The following AGBL1 variants were observed in gnomAD, a reference collection of about 807,000 sequenced individuals.
The protein encoded by AGBL1 is AGBL carboxypeptidase 1, also known as cytosolic carboxypeptidase 4.
Under a neutral mutation model 118.9 loss-of-function variants are expected in AGBL1, and 130 were observed. The observed-to-expected ratio is 1.09, with a 90% confidence interval of 0.95 to 1.26. The LOEUF is 1.26. AGBL1 is among the 50% of genes most tolerant of loss of function. The pLI is 0.00. For synonymous variants in AGBL1, 555 were observed against 478.9 expected, an observed-to-expected ratio of 1.16 and a Z score of -2.08; for missense variants, 1,584 against 1,298.1, an observed-to-expected ratio of 1.22 and a Z score of -3.38.
At chr15:86,280,921 T>C (rs903976) in intron 16 of AGBL1, among the ~76,000 whole-genome samples, 71,816 of 152,094 alleles carry the variant, frequency 0.47, 19,858 homozygotes, top group African/African-American at 0.78. Context: ...GTATCACACT[T>C]AGAGAGCTCA....
chr15:86,262,114 A>C (rs1356651357), intron 9 of AGBL1, among the ~76,000 whole-genome samples: 4 of 45,294 alleles, frequency 8.8e-5, no homozygotes, highest in Non-Finnish European at 1.5e-4. Flanking sequence ...GTCTCAGTTA[A>C]AACTTTACCT....
At chr15:86,942,692 A>C (rs1290271331) in intron 23 of AGBL1, among the ~76,000 whole-genome samples, 1 of 152,212 alleles carries the variant, frequency 6.6e-6, no homozygotes, top group African/African-American at 2.4e-5. Flanking sequence ...TTGTGATTCA[A>C]AGCCTTTTGT....
intron 21 of AGBL1, among the ~76,000 whole-genome samples, chr15:86,662,230 CTG>C (rs1190239136): frequency 1.3e-5 from 2 of 152,192 alleles, no homozygotes; most frequent in Non-Finnish European, 2.9e-5. Context: ...TGCTATGCCT[CTG>C]TGTGTAATAT....
rs2081761204 is a variant in AGBL1, at chr15:87,028,951, AAAATGTTGCTC to A, written c.*112_*122del. 3 of 1,262,220 alleles carry A rather than the reference AAAATGTTGCTC, an allele frequency of 2.4e-6. No homozygotes were observed. The African/African-American group carries it at 4.4e-5, about 19-fold the overall frequency. 78.2% of individuals were successfully genotyped at this position (1,262,220 alleles called of 1,614,324 possible). A position where few individuals can be genotyped will look rare whatever the true frequency, so the allele number is the denominator to read the frequency against. ...TCAAGATGTTGTACATGTCTTATGG[AAAATGTTGCTC>A]CATCATCCCTGCACTCCCTTATCTA... On this transcript the variant is annotated 3_prime_UTR_variant, in exon 25 of 25. Coordinates refer to the AGBL1 transcript ENST00000441037.
chr15:86,228,288 C>T (rs1208274288), intron 6 of AGBL1, among the ~76,000 whole-genome samples: 1 of 152,172 alleles, frequency 6.6e-6, no homozygotes, highest in Non-Finnish European at 1.5e-5. Context: ...CAAGACTTCA[C>T]CATCTGGCAC....
In AGBL1 at chr15:86,936,844, A is replaced by G. The variant is rs116821574; in HGVS notation, c.3222-51143A>G. Among the ~76,000 whole-genome samples, 657 of 152,362 alleles carry G rather than the reference A, an allele frequency of 4.3e-3. 5 individuals are homozygous for G. Among genetic ancestry groups the G allele is most frequent in the African/African-American group, 0.015 (636 of 41,588 alleles). On this transcript the variant is annotated intron_variant, in intron 23 of 24. Coordinates refer to the AGBL1 transcript ENST00000441037. ...TAAGAGCTTCTGCACAGAAAAAGAA[A>G]GTATTAACACGGTAAACAGACAACC...
chr15:86,267,760 C>G (rs2079097118), intron 13 of AGBL1, among the ~76,000 whole-genome samples: 1 of 152,198 alleles, frequency 6.6e-6, no homozygotes. Context: ...AAAATTCTTT[C>G]TATTATAGCA....
At chr15:86,500,344 C>A (rs2082903584) in intron 18 of AGBL1, among the ~76,000 whole-genome samples, 1 of 151,702 alleles carries the variant, frequency 6.6e-6, no homozygotes, top group Non-Finnish European at 1.5e-5. Context: ...TGCAGATTCA[C>A]ACAAGAAACT....
At chr15:86,106,802 T>C (rs372913109) in intron 1 of AGBL1, among the ~76,000 whole-genome samples, 10 of 152,366 alleles carry the variant, frequency 6.6e-5, no homozygotes, top group African/African-American at 2.4e-4. Flanking sequence ...ACAGAGATGC[T>C]GTACTTGCTA....
intron 5 of AGBL1, among the ~76,000 whole-genome samples, chr15:86,209,509 G>A (rs8037199): frequency 0.12 from 18,231 of 152,104 alleles, 1,303 homozygotes; most frequent in East Asian, 0.25. Context: ...CCTCTATTGG[G>A]TGCATATATA....
In AGBL1 at chr15:86,908,400, T is replaced by C. The variant is rs1232562525; in HGVS notation, c.*1106T>C. ...GGCGCACACCTGTAATCCCAGCTAC[T>C]TGGGAGGCTGAGAAAGGAGAATCGC... On this transcript the variant is annotated 3_prime_UTR_variant, in exon 23 of 23. Coordinates refer to ENST00000614907, the MANE Select transcript of AGBL1 (RefSeq NM_001386094.1). 6.6e-6 allele frequency: 1 copy of C among 152,212 alleles called. No homozygotes were observed. Among genetic ancestry groups the C allele is most frequent in the East Asian group, 1.9e-4 (1 of 5,166 alleles). 9.4% of individuals were successfully genotyped at this position (152,212 alleles called of 1,614,324 possible). A position where few individuals can be genotyped will look rare whatever the true frequency, so the allele number is the denominator to read the frequency against.
intron 22 of AGBL1, among the ~76,000 whole-genome samples, chr15:86,715,447 T>A (rs1249416831): frequency 2.0e-5 from 3 of 152,098 alleles, no homozygotes; most frequent in Non-Finnish European, 4.4e-5. Context: ...GAAATAAGAA[T>A]TCACAGATTT....
intron 21 of AGBL1, among the ~76,000 whole-genome samples, chr15:86,643,039 ATTCTGAC>A (rs1362454232): frequency 1.3e-5 from 2 of 152,134 alleles, no homozygotes; most frequent in East Asian, 3.9e-4. Context: ...TTACATCTCA[ATTCTGAC>A]TTCTGGGGTG....
At chr15:86,813,723 C>T (rs2078822964) in intron 22 of AGBL1, among the ~76,000 whole-genome samples, 1 of 152,122 alleles carries the variant, frequency 6.6e-6, no homozygotes, top group Admixed American at 6.6e-5. Context: ...GAATAACAAT[C>T]CAGAGAGAGG....
rs1190193287 is a variant in AGBL1, at chr15:86,264,575, G to A, written c.1404G>A (p.Trp468Ter). ...AGGCTTCCCCGAAAGCAGATGCCTG[G>A]GACGTAGATGCAATTTTCTGCCCAA... is the stretch of plus-strand genomic sequence containing the variant. ...DIQASPKADA[W>*]DVDAIFCPRM... is the part of the protein sequence containing the mutation. The change falls in exon 11 of 23, where the codon TGG (tryptophan) becomes TGA (stop). Residue 468 changes from tryptophan to a stop codon, truncating the protein, a stop_gained. Transcript: ENST00000614907. LOFTEE classifies it high-confidence loss of function. 1 of 1,613,934 alleles carries A rather than the reference G, an allele frequency of 6.2e-7. No homozygotes were observed. Among genetic ancestry groups the A allele is most frequent in the South Asian group, 1.1e-5 (1 of 91,064 alleles).
downstream of AGBL1, among the ~76,000 whole-genome samples, chr15:87,031,215 T>C (rs2081779281): frequency 6.6e-6 from 1 of 151,994 alleles, no homozygotes; most frequent in Non-Finnish European, 1.5e-5. Context: ...ATATTTTGTC[T>C]CATTTTTTTC....
rs575430755 is a variant in AGBL1 at position 86,726,465 on chromosome 15, A to T, written c.3158+52029A>T. On this transcript the variant is annotated intron_variant, in intron 22 of 22. Transcript: ENST00000614907. ...GTTTCTCCATCTATATAAAGAAAGC[A>T]ATTGTAACCAATAGATGAAGGTTAA... is the stretch of plus-strand genomic sequence containing the variant. Among the ~76,000 whole-genome samples the T allele has an allele frequency of 2.5e-4, 38 of 152,346 alleles. 1 individual carries two copies. In the South Asian group the frequency reaches 7.9e-3, roughly 32 times the overall value.
chr15:86,645,171 TAGA>T (rs1052297327), intron 21 of AGBL1, among the ~76,000 whole-genome samples: 1 of 152,240 alleles, frequency 6.6e-6, no homozygotes, highest in Admixed American at 6.5e-5. Context: ...TGTGGTTATA[TAGA>T]AGAATATTCT....
chr15:86,758,368 T>C (rs980223145), intron 22 of AGBL1, among the ~76,000 whole-genome samples: 1 of 152,136 alleles, frequency 6.6e-6, no homozygotes, highest in Non-Finnish European at 1.5e-5. Context: ...CAAGGAAGTA[T>C]TTTCTAGCCC....
Sources: gnomAD v4.1 joint callset for allele counts (sites outside exome capture counted in the v4.1 genomes callset) on GRCh38, gnomAD v4.1.1 for gene constraint, MANE v1.5 for transcripts, NCBI Gene and HGNC (gene_info 2026-07-23, HGNC 2026-07-21) for gene names.